NTN1: variants seen among roughly 807,000 people sequenced by gnomAD.
The protein encoded by NTN1 is netrin 1, also known as netrin-1.
A neutral mutation model predicts 54.2 loss-of-function variants in NTN1; 11 were observed. That is an observed-to-expected ratio of 0.20 (90% confidence interval 0.13 to 0.34). The LOEUF is 0.34. NTN1 is among the 10% of genes least tolerant of loss of function. NTN1 has a pLI of 1.00. For synonymous variants in NTN1, 371 were observed against 382.0 expected, an observed-to-expected ratio of 0.97 and a Z score of 0.33; for missense variants, 740 against 893.1, an observed-to-expected ratio of 0.83 and a Z score of 2.18.
intron 2 of NTN1, among the ~76,000 whole-genome samples, chr17:9,104,789 T>C (rs1264207008): frequency 6.6e-6 from 1 of 152,164 alleles, no homozygotes; most frequent in Non-Finnish European, 1.5e-5. Flanking sequence ...GGCGGGGCGA[T>C]TTGGCCCACG....
chr17:9,018,642 A>G (rs2091837008), upstream of NTN1, among the ~76,000 whole-genome samples: 1 of 151,192 alleles, frequency 6.6e-6, no homozygotes, highest in South Asian at 2.1e-4. Flanking sequence ...AAAAAAAAAA[A>G]AAGGCTCTGT....
intron 2 of NTN1, among the ~76,000 whole-genome samples, chr17:9,028,877 G>A (rs1411649339): frequency 6.6e-6 from 1 of 152,026 alleles, no homozygotes; most frequent in Non-Finnish European, 1.5e-5. Context: ...CTAGGGAACT[G>A]GATTATAAAA....
intron 2 of NTN1, among the ~76,000 whole-genome samples, chr17:9,048,960 A>G (rs949889245): frequency 2.0e-5 from 3 of 152,158 alleles, no homozygotes; most frequent in Admixed American, 2.0e-4. Context: ...CCGGCGGAAA[A>G]TGCTTCTTAA....
chr17:9,156,019 CT>C (rs2092340919), intron 2 of NTN1, among the ~76,000 whole-genome samples: 5 of 152,152 alleles, frequency 3.3e-5, no homozygotes, highest in Admixed American at 6.5e-5. Context: ...TCTCCTGGTC[CT>C]TACCCAGGAG....
rs1219225669 is a variant in NTN1 at position 9,221,296 on chromosome 17, G to A, written c.1486+54G>A. The A allele has an allele frequency of 4.2e-6, 6 of 1,423,118 alleles. No homozygotes were observed. Among genetic ancestry groups the A allele is most frequent in the African/African-American group, 1.4e-5 (1 of 70,880 alleles). The allele number at this position is 1,423,118 out of a possible 1,614,324, so 88.2% of individuals were successfully genotyped here. A position where few individuals can be genotyped will look rare whatever the true frequency, so the allele number is the denominator to read the frequency against. On this transcript the variant is annotated intron_variant, in intron 6 of 6. Transcript: ENST00000173229. This position sits in a 1 kb window ranked among gnomAD's most constrained non-coding sequence, Gnocchi z 4.5. ...GATGGGAGGGGGCCACGTGACCAGC[G>A]AGGTGCTGGGGCTGGGGTGCAGCTG...
intron 2 of NTN1, among the ~76,000 whole-genome samples, chr17:9,027,447 G>T (rs2091874883): frequency 6.6e-6 from 1 of 152,034 alleles, no homozygotes; most frequent in Non-Finnish European, 1.5e-5. Flanking sequence ...GGTGAAGCTG[G>T]GACTCCAGCC....
chr17:9,089,161 C>T (rs914727823), intron 2 of NTN1, among the ~76,000 whole-genome samples: 4 of 152,038 alleles, frequency 2.6e-5, no homozygotes, highest in African/African-American at 9.7e-5. Flanking sequence ...GCCTGTAATC[C>T]CAGCACTTTG....
chr17:9,223,217 G>A (rs1225017579), intron 6 of NTN1, among the ~76,000 whole-genome samples: 1 of 152,190 alleles, frequency 6.6e-6, no homozygotes, highest in Non-Finnish European at 1.5e-5. Flanking sequence ...TAAAGGAAGT[G>A]CGTCTCCAAG....
chr17:9,091,757 T>C (rs552952999), intron 2 of NTN1, among the ~76,000 whole-genome samples: 1 of 151,840 alleles, frequency 6.6e-6, no homozygotes, highest in East Asian at 2.0e-4. Context: ...CCGGCCCGTT[T>C]AGCCACTTTT....
chr17:9,081,890 C>A lies in NTN1; in HGVS notation c.1018+58499C>A, dbSNP rs539726126. Among the ~76,000 whole-genome samples the A allele has an allele frequency of 3.1e-3, 469 of 152,296 alleles. 3 individuals carry two copies. Among genetic ancestry groups the A allele is most frequent in the Non-Finnish European group, 5.4e-3 (367 of 68,030 alleles). ...TTACATAAGGCCTGGAAGAGCACTT[C>A]CATTTGCCAACTTGCTGCAGGGCCA... On this transcript the variant is annotated intron_variant, in intron 2 of 6. Transcript: ENST00000173229.
intron 3 of NTN1, chr17:9,178,837 CT>C (rs2092409127): frequency 6.6e-6 from 1 of 152,388 alleles, no homozygotes; most frequent in Admixed American, 6.5e-5. Context: ...GCAGGGAACG[CT>C]GGTGTCCTGT....
At chr17:9,217,145 T>TCCCCACTGC (rs1905233786) in intron 5 of NTN1, among the ~76,000 whole-genome samples, 1 of 152,092 alleles carries the variant, frequency 6.6e-6, no homozygotes. Flanking sequence ...GGAGGGATCG[T>TCCCCACTGC]CCCCACTGCC....
intron 5 of NTN1, among the ~76,000 whole-genome samples, chr17:9,184,881 G>A (rs959781122): frequency 6.6e-6 from 1 of 152,224 alleles, no homozygotes; most frequent in Non-Finnish European, 1.5e-5. Flanking sequence ...AAAAGATTCC[G>A]GAGCAGCCGC....
chr17:9,230,072 C>G (rs1440400938), intron 6 of NTN1, among the ~76,000 whole-genome samples: 2 of 151,948 alleles, frequency 1.3e-5, no homozygotes, highest in South Asian at 2.1e-4. Context: ...ACTCTTCCCC[C>G]TCAGCAGCAC....
intron 5 of NTN1, among the ~76,000 whole-genome samples, chr17:9,200,843 GATTGTTA>G (rs542453060): frequency 5.3e-5 from 8 of 152,316 alleles, no homozygotes; most frequent in African/African-American, 1.9e-4. Context: ...TTCTAATTCA[GATTGTTA>G]ATTGTTAACT....
chr17:9,113,990 C>A (rs569744074), intron 2 of NTN1, among the ~76,000 whole-genome samples: 2 of 150,818 alleles, frequency 1.3e-5, no homozygotes, highest in East Asian at 3.9e-4. Context: ...TAGTGAAACC[C>A]ATCTCTACTG....
Position 9,182,982 on chromosome 17 carries a change from C to A in NTN1, c.1411+13C>A. The A allele has an allele frequency of 6.2e-7, 1 of 1,613,494 alleles. No individual in the cohort carries two copies. Among genetic ancestry groups the A allele is most frequent in the Non-Finnish European group, 8.5e-7 (1 of 1,179,634 alleles). On this transcript the variant is annotated intron_variant, in intron 5 of 6. Transcript: ENST00000173229. ...GAGGAGCCTGAAGGTAAACGGCCCC[C>A]TTCGCTTCTCATTTCCCGCTTTTGC... is the stretch of plus-strand genomic sequence containing the variant.
At chr17:9,137,911 G>A (rs186170237) in intron 2 of NTN1, among the ~76,000 whole-genome samples, 4 of 152,322 alleles carry the variant, frequency 2.6e-5, no homozygotes, top group East Asian at 1.9e-4. Context: ...TGGATGTTTC[G>A]GGATGGCCAG....
intron 6 of NTN1, among the ~76,000 whole-genome samples, chr17:9,228,904 G>A (rs563837715): frequency 0.012 from 455 of 38,810 alleles, 3 homozygotes; most frequent in South Asian, 0.017. Flanking sequence ...GATTGTGTTC[G>A]TGACTGTGTG....
Sources: allele counts gnomAD v4.1 joint callset (sites outside exome capture counted in the v4.1 genomes callset), GRCh38; gene constraint gnomAD v4.1.1; non-coding constraint Gnocchi (gnomAD v3.1); transcripts MANE v1.5; gene names NCBI Gene and HGNC (gene_info 2026-07-23, HGNC 2026-07-21).